Variants in PDLIM7 observed in about 807,000 individuals in gnomAD.
PDLIM7 encodes PDZ and LIM domain 7, also known as PDZ and LIM domain protein 7.
PDLIM7 carries 37 observed loss-of-function variants against 53.9 expected under a neutral mutation model. The ratio of observed to expected loss-of-function variants is 0.69; its 90% CI spans 0.53 to 0.90. The LOEUF is 0.90. PDLIM7 is among the 40% of genes least tolerant of loss of function. The probability of loss-of-function intolerance (pLI) is 0.00; values close to 1 mark genes in which losing one functional copy is unlikely to be tolerated. For synonymous variants in PDLIM7, 300 were observed against 261.3 expected, an observed-to-expected ratio of 1.15 and a Z score of -1.43; for missense variants, 617 against 638.5, an observed-to-expected ratio of 0.97 and a Z score of 0.36.
chr5:177,490,590 T>G, intron 7 of PDLIM7: 1 of 1,553,388 alleles, frequency 6.4e-7, no homozygotes, highest in Non-Finnish European at 8.7e-7. Flanking sequence ...GGACATACTT[T>G]TCCCTGAGGG....
chr5:177,490,833 C>T, intron 7 of PDLIM7, 37 bp downstream of exon 7: 1 of 1,611,580 alleles, frequency 6.2e-7, no homozygotes, highest in South Asian at 1.1e-5. Flanking sequence ...ATGGAAGAGG[C>T]AGGAGGTGGG....
rs1303044351 is a variant in PDLIM7 at position 177,489,642 on chromosome 5, G to A, written c.635-15C>T. The A allele has an allele frequency of 6.4e-7, 1 of 1,562,122 alleles. No homozygotes were observed. Among genetic ancestry groups the A allele is most frequent in the Non-Finnish European group, 8.6e-7 (1 of 1,156,306 alleles). ...GGCGGTAGGGCCTGCCGGGGAAAGTGACTCTAAAGGGGTGCCCAGGGACCC... is the reference window on the plus strand; with the variant it reads ...GGCGGTAGGGCCTGCCGGGGAAAGTAACTCTAAAGGGGTGCCCAGGGACCC... On this transcript the variant is annotated splice_polypyrimidine_tract_variant and intron_variant, in intron 8 of 12. Coordinates refer to ENST00000355841, the MANE Select transcript of PDLIM7 (RefSeq NM_005451.5).
rs781462361 is a variant in PDLIM7 at position 177,491,054 on chromosome 5, G to A, written c.491C>T (p.Ser164Leu). 14 of 1,611,890 alleles carry A rather than the reference G, an allele frequency of 8.7e-6. No individual in the cohort carries two copies. The highest frequency in any genetic ancestry group is 3.3e-5 in the South Asian group (3 of 90,836). Residue 164 changes from serine (S) to leucine (L), a missense_variant, in exon 6 of 13, where the codon TCG becomes TTG. Physicochemically the swap from Ser to Leu is moderately radical, Grantham distance 145 (BLOSUM62 -2). Transcript: ENST00000355841. ...DWRPRPGTGQ[S>L]RSFRILAHLT... is the part of the protein sequence containing the mutation. Reference sequence around the variant, plus strand: ...GTGGGCAAGGATGCGGAAGGAACGCGACTGGCCTGTCCCCGGCCGCGGCCG... The same window carrying A: ...GTGGGCAAGGATGCGGAAGGAACGCAACTGGCCTGTCCCCGGCCGCGGCCG...
chr5:177,490,659 G>A (rs954443174), intron 7 of PDLIM7: 7 of 1,098,254 alleles, frequency 6.4e-6, no homozygotes. Context: ...GGCAGGGAGG[G>A]AGGAGGGAAG....
rs1275337962 is a variant in PDLIM7 at position 177,490,825 on chromosome 5, G to A, written c.572+45C>T. The stretch of plus-strand genomic sequence containing the variant: ...GTAGACACAGGGCAGTAGCTGGAAT[G>A]GAAGAGGCAGGAGGTGGGAGAGGGG... On this transcript the variant is annotated intron_variant, in intron 7 of 12. Transcript: ENST00000355841. 1.9e-6 allele frequency: 3 copies of A among 1,607,346 alleles called. No individual in the cohort carries two copies. The African/African-American group carries it at 4.0e-5, about 21-fold the overall frequency.
At chr5:177,486,391 A>G (rs1286430541) in intron 10 of PDLIM7, among the ~76,000 whole-genome samples, 2 of 152,082 alleles carry the variant, frequency 1.3e-5, no homozygotes, top group Non-Finnish European at 2.9e-5. Flanking sequence ...GCCCTAGCAT[A>G]GTGCCACCCT....
chr5:177,486,940 T>C (rs1758492851), intron 10 of PDLIM7, among the ~76,000 whole-genome samples: 2 of 72,594 alleles, frequency 2.8e-5, no homozygotes, highest in Admixed American at 2.6e-4. Flanking sequence ...CCTTTTTTTT[T>C]TTTTTTTTTT....
Position 177,491,919 on chromosome 5 carries a change from C to T in PDLIM7, c.286G>A (p.Ala96Thr). The T allele has an allele frequency of 4.9e-6, 3 of 615,084 alleles. No individual in the cohort carries two copies. The highest frequency in any genetic ancestry group is 6.0e-6 in the Non-Finnish European group (3 of 497,192). 38.1% of individuals were successfully genotyped at this position (615,084 alleles called of 1,614,324 possible). Residue 96 changes from alanine (A) to threonine (T), a missense_variant, in exon 5 of 13, where the codon GCC (alanine) becomes ACC (threonine). By Grantham distance (58) the Ala-to-Thr change is moderately conservative (BLOSUM62 0). Coordinates refer to ENST00000355841, the MANE Select transcript of PDLIM7 (RefSeq NM_005451.5). ...TACCGCGGAGGGTCCGCGGCGGGGG[C>T]GGAGGCCTGGGCAGAGACACAGCCG... Reference protein sequence around the residue: ...PVQSKPQKASAPAADPPRYTF... With the variant: ...PVQSKPQKASTPAADPPRYTF...
In PDLIM7 at chr5:177,491,140, C is replaced by A. The variant is rs143469279; in HGVS notation, c.405G>T (p.Pro135=). 2 of 1,443,500 alleles carry A rather than the reference C, an allele frequency of 1.4e-6. No individual in the cohort carries two copies. The highest frequency in any genetic ancestry group is 1.1e-5 in the South Asian group (1 of 87,934). The allele number at this position is 1,443,500 out of a possible 1,614,324, so 89.4% of individuals were successfully genotyped here. Residue 135 remains proline, a synonymous_variant, in exon 6 of 13, where the codon CCG becomes CCT. Transcript: ENST00000355841. ...TGGCATCTGGGACCAGCGGTCGGAG[C>A]GGCTGTCTGTGGGGAGGGTGTGGCT... ...ADSAPQQNGQ[P]LRPLVPDASK...
At chr5:177,492,731 A>G (rs1038897512) in intron 2 of PDLIM7, 54 bp from the exon 3 acceptor site, 1 of 1,571,682 alleles carries the variant, frequency 6.4e-7, no homozygotes, top group African/African-American at 1.3e-5. Flanking sequence ...GACCCAAGCC[A>G]GGCTGACGGT....
At position 177,486,848 on chromosome 5, in the gene PDLIM7, G is replaced by A. The variant is rs185508350; in HGVS notation, c.1050+1220C>T. Among the ~76,000 whole-genome samples, 85 of 150,314 alleles carry A rather than the reference G, an allele frequency of 5.7e-4. 1 individual carries two copies. The East Asian group carries it at 0.016, about 28-fold the overall frequency. ...GGGTTTCACCGTGTTAGCCAGGATGGTCTCAATCTCCTGACCTCGTGATCC... is the reference window on the plus strand; with the variant it reads ...GGGTTTCACCGTGTTAGCCAGGATGATCTCAATCTCCTGACCTCGTGATCC... On this transcript the variant is annotated intron_variant, in intron 10 of 12. Transcript: ENST00000355841.
In PDLIM7 at chr5:177,491,018, G is replaced by C. The variant is rs1239226985; in HGVS notation, c.527C>G (p.Thr176Ser). Reference sequence around the variant, plus strand: ...CCTGGGCTGGCACTTACTGAACTCGGTGCCTGTGAGGTGGGCAAGGATGCG... The same window carrying C: ...CCTGGGCTGGCACTTACTGAACTCGCTGCCTGTGAGGTGGGCAAGGATGCG... ...SFRILAHLTGTEFMQDPDEEH... is the reference protein window; with the variant it reads ...SFRILAHLTGSEFMQDPDEEH... The change falls in exon 6 of 13, where the codon ACC becomes AGC. Residue 176 changes from threonine (T) to serine (S), a missense_variant. Physicochemically the swap from Thr to Ser is moderately conservative, Grantham distance 58. Coordinates refer to ENST00000355841, the MANE Select transcript of PDLIM7 (RefSeq NM_005451.5). The C allele has an allele frequency of 8.7e-6, 14 of 1,613,622 alleles. No homozygotes were observed. Among genetic ancestry groups the C allele is most frequent in the Non-Finnish European group, 1.1e-5 (13 of 1,179,786 alleles).
intron 2 of PDLIM7, among the ~76,000 whole-genome samples, chr5:177,494,250 G>T (rs1561706302): frequency 6.6e-6 from 1 of 152,362 alleles, no homozygotes; most frequent in East Asian, 1.9e-4. Flanking sequence ...GCCAGGAAGT[G>T]TCTCTGACCC....
Position 177,486,732 on chromosome 5 carries a change from A to T in PDLIM7, c.1050+1336T>A, listed in dbSNP as rs183531675. On this transcript the variant is annotated intron_variant, in intron 10 of 12. Coordinates refer to ENST00000355841, the MANE Select transcript of PDLIM7 (RefSeq NM_005451.5). ...CGGCTCACTGCAAGCTCTGCCTCCC[A>T]GGTTCACGCCATTCTCCTGCCTCAG... Among the ~76,000 whole-genome samples, 4 of 151,954 alleles carry T rather than the reference A, an allele frequency of 2.6e-5. No homozygotes were observed. The South Asian group carries it at 8.3e-4, about 31-fold the overall frequency.
At position 177,483,747 on chromosome 5, in the gene PDLIM7, C is replaced by A; in HGVS notation, c.1288-17G>T. On this transcript the variant is annotated splice_polypyrimidine_tract_variant and intron_variant, in intron 12 of 12. Coordinates refer to ENST00000355841, the MANE Select transcript of PDLIM7 (RefSeq NM_005451.5). ...CTGACATATCTAAGGACAGCAAAGG[C>A]CCAGTCACATGGGGTTGGGGGCAGC... The A allele has an allele frequency of 6.2e-7, 1 of 1,605,132 alleles. No individual in the cohort carries two copies. Among genetic ancestry groups the A allele is most frequent in the South Asian group, 1.1e-5 (1 of 90,932 alleles).
chr5:177,484,077 G>T lies in PDLIM7; in HGVS notation c.1164C>A (p.Cys388Ter). The T allele has an allele frequency of 6.2e-7, 1 of 1,613,942 alleles. No homozygotes were observed. Among genetic ancestry groups the T allele is most frequent in the Non-Finnish European group, 8.5e-7 (1 of 1,179,968 alleles). ...TCACTGGCCAGTGGGTACCTCGCTCGCAATAGGGCACGCCCTCCTCCATGT... is the reference window on the plus strand; with the variant it reads ...TCACTGGCCAGTGGGTACCTCGCTCTCAATAGGGCACGCCCTCCTCCATGT... ...AFYMEEGVPY[C>*]ERDYEKMFGT... Residue 388 changes from cysteine to a stop codon, truncating the protein, a stop_gained, in exon 11 of 13, where the codon TGC becomes TGA. Coordinates refer to ENST00000355841, the MANE Select transcript of PDLIM7 (RefSeq NM_005451.5). LOFTEE classifies it high-confidence loss of function.
chr5:177,488,680 G>C (rs1479354768), intron 9 of PDLIM7, among the ~76,000 whole-genome samples: 3 of 152,132 alleles, frequency 2.0e-5, no homozygotes, highest in Non-Finnish European at 2.9e-5. Flanking sequence ...CACCTGAGGT[G>C]AGGAGTTTGA....
intron 2 of PDLIM7, among the ~76,000 whole-genome samples, chr5:177,493,701 A>G (rs1203408930): frequency 6.6e-6 from 1 of 152,164 alleles, no homozygotes; most frequent in Non-Finnish European, 1.5e-5. Context: ...CCCCAGCAAC[A>G]CAGGCAGGGC....
Position 177,489,406 on chromosome 5 carries a change from G to C in PDLIM7, c.856C>G (p.His286Asp), listed in dbSNP as rs905122514. The C allele has an allele frequency of 1.3e-6, 2 of 1,587,360 alleles. No homozygotes were observed. Among genetic ancestry groups the C allele is most frequent in the Non-Finnish European group, 1.7e-6 (2 of 1,166,452 alleles). Residue 286 changes from histidine to aspartate, a missense_variant, in exon 9 of 13, where the codon CAC (histidine) becomes GAC (aspartate). Physicochemically the swap from His to Asp is moderately conservative, Grantham distance 81. Transcript: ENST00000355841. ...CAGGCCACCCACCGGATGACCTTGT[G>C]GCACTGGTGACACACGGGAGTCTTG... ...NGKTPVCHQC[H>D]KVIRGRYLVA... is the part of the protein sequence containing the mutation.
Sources: gnomAD v4.1 joint callset for allele counts (sites outside exome capture counted in the v4.1 genomes callset) on GRCh38, gnomAD v4.1.1 for gene constraint, MANE v1.5 for transcripts, NCBI Gene and HGNC (gene_info 2026-07-23, HGNC 2026-07-21) for gene names.